Variants in PRKG1 observed in about 807,000 individuals in gnomAD.
PRKG1 encodes cGMP-dependent protein kinase 1.
PRKG1 carries 35 observed loss-of-function variants against 88.1 expected under a neutral mutation model. That is an observed-to-expected ratio of 0.40 (90% CI 0.30 to 0.53). The LOEUF is 0.53. Among genes scored for constraint, PRKG1 ranks in the 20% least tolerant of loss-of-function variants. The probability of loss-of-function intolerance (pLI) is 0.59; values close to 1 mark genes in which losing one functional copy is unlikely to be tolerated. For synonymous variants in PRKG1, 303 were observed against 292.5 expected (o/e 1.04, Z -0.37); for missense variants, 540 against 839.8 (o/e 0.64, Z 4.41).
chr10:51,184,702 A>G, intron 2 of PRKG1, among the ~76,000 whole-genome samples: 1 of 152,146 alleles, frequency 6.6e-6, no homozygotes, highest in East Asian at 1.9e-4. Flanking sequence ...TGATTTTACT[A>G]TTTCATATCT....
intron 3 of PRKG1, among the ~76,000 whole-genome samples, chr10:51,563,526 A>C (rs1837524413): frequency 6.6e-6 from 1 of 152,092 alleles, no homozygotes; most frequent in Non-Finnish European, 1.5e-5. Context: ...ATACAGCTTG[A>C]GATTTCACAT....
intron 2 of PRKG1, among the ~76,000 whole-genome samples, chr10:51,416,763 C>T (rs1490170178): frequency 6.6e-6 from 1 of 152,158 alleles, no homozygotes; most frequent in Non-Finnish European, 1.5e-5. Context: ...ATGACCCACA[C>T]ATCTCTGTCT....
At chr10:51,869,762 C>T (rs1186295473) in intron 4 of PRKG1, among the ~76,000 whole-genome samples, 1 of 151,920 alleles carries the variant, frequency 6.6e-6, no homozygotes, top group Non-Finnish European at 1.5e-5. Context: ...TATTTAAATT[C>T]CACAGAAATC....
At chr10:51,550,013 A>G (rs1837085078) in intron 3 of PRKG1, among the ~76,000 whole-genome samples, 2 of 152,124 alleles carry the variant, frequency 1.3e-5, no homozygotes, top group Admixed American at 6.6e-5. Flanking sequence ...TGAAATCAAG[A>G]CAGTGTTTAC....
intron 4 of PRKG1, among the ~76,000 whole-genome samples, chr10:51,811,487 T>A (rs74132435): frequency 0.014 from 2,069 of 152,208 alleles, 59 homozygotes; most frequent in African/African-American, 0.047. Context: ...AATTAGAGTT[T>A]GTTGAGTAGA....
intron 2 of PRKG1, among the ~76,000 whole-genome samples, chr10:51,437,790 G>T (rs558815906): frequency 7.3e-4 from 110 of 150,534 alleles, no homozygotes; most frequent in African/African-American, 2.6e-3. Flanking sequence ...GAAACATTTT[G>T]CAGTGTCTGA....
At chr10:52,206,950 A>T (rs1839835408) in intron 9 of PRKG1, among the ~76,000 whole-genome samples, 1 of 152,222 alleles carries the variant, frequency 6.6e-6, no homozygotes, top group Admixed American at 6.5e-5. Context: ...CAGCTTGGGC[A>T]CAATGGTGGT....
chr10:51,238,799 A>G (rs1589270119), intron 2 of PRKG1, among the ~76,000 whole-genome samples: 1 of 151,900 alleles, frequency 6.6e-6, no homozygotes, highest in Non-Finnish European at 1.5e-5. Context: ...CAGTTTTAAC[A>G]TAGGCCCTTC....
chr10:52,240,619 C>T (rs1840835141), intron 9 of PRKG1, among the ~76,000 whole-genome samples: 1 of 152,142 alleles, frequency 6.6e-6, no homozygotes. Flanking sequence ...ATGGCAGTGA[C>T]TTGATAACAA....
At chr10:51,630,749 A>G (rs892338456) in intron 3 of PRKG1, among the ~76,000 whole-genome samples, 1 of 152,204 alleles carries the variant, frequency 6.6e-6, no homozygotes, top group East Asian at 1.9e-4. Context: ...CGAAAGAGGA[A>G]CGTGTGCTAT....
intron 2 of PRKG1, among the ~76,000 whole-genome samples, chr10:51,274,042 G>A (rs560467315): frequency 9.2e-5 from 14 of 152,244 alleles, no homozygotes; most frequent in African/African-American, 3.1e-4. Flanking sequence ...AGTTTGTTGT[G>A]AGCTTTAAAT....
intron 7 of PRKG1, among the ~76,000 whole-genome samples, chr10:52,064,031 C>G (rs965576688): frequency 6.6e-6 from 1 of 152,238 alleles, no homozygotes; most frequent in Non-Finnish European, 1.5e-5. Context: ...GTCCATGGGA[C>G]TGGCAGCCTG....
At chr10:51,656,924 A>T (rs912779425) in intron 3 of PRKG1, among the ~76,000 whole-genome samples, 1 of 152,106 alleles carries the variant, frequency 6.6e-6, no homozygotes, top group Non-Finnish European at 1.5e-5. Context: ...CGTGACTATG[A>T]ATCTTGACTT....
chr10:51,504,119 T>C (rs1340951721), intron 3 of PRKG1, among the ~76,000 whole-genome samples: 1 of 152,118 alleles, frequency 6.6e-6, no homozygotes, highest in Non-Finnish European at 1.5e-5. Flanking sequence ...TCTAATTATT[T>C]CAGGGCCTCA....
intron 5 of PRKG1, among the ~76,000 whole-genome samples, chr10:52,011,260 T>C (rs1187141750): frequency 1.3e-5 from 2 of 152,218 alleles, no homozygotes; most frequent in African/African-American, 2.4e-5. Flanking sequence ...TTTTTTATGC[T>C]ACATAGTTCT....
intron 3 of PRKG1, among the ~76,000 whole-genome samples, chr10:51,596,744 A>G (rs1260477922): frequency 6.6e-6 from 1 of 152,222 alleles, no homozygotes; most frequent in Non-Finnish European, 1.5e-5. Flanking sequence ...AATCAATGCG[A>G]TGATTTGAAA....
At chr10:51,191,782 C>G (rs912156100) in intron 2 of PRKG1, among the ~76,000 whole-genome samples, 1 of 151,702 alleles carries the variant, frequency 6.6e-6, no homozygotes, top group Admixed American at 6.6e-5. Context: ...GACTACAGTG[C>G]CTTAACTCAA....
intron 4 of PRKG1, among the ~76,000 whole-genome samples, chr10:51,852,210 T>A (rs1446458707): frequency 2.1e-5 from 3 of 140,898 alleles, no homozygotes; most frequent in African/African-American, 3.0e-5. Flanking sequence ...AAGTTTTATA[T>A]GTGTATATAT....
At chr10:51,328,330 T>C (rs1368178492) in intron 2 of PRKG1, among the ~76,000 whole-genome samples, 2 of 152,338 alleles carry the variant, frequency 1.3e-5, no homozygotes, top group East Asian at 1.9e-4. Flanking sequence ...GAAGGTTGAA[T>C]AGTATTCCAT....
Sources: allele counts gnomAD v4.1 joint callset (sites outside exome capture counted in the v4.1 genomes callset), GRCh38; gene constraint gnomAD v4.1.1; transcripts MANE v1.5; gene names NCBI Gene and HGNC (gene_info 2026-07-23, HGNC 2026-07-21).